Variants in IL1RAPL2 observed in about 807,000 individuals in gnomAD.
IL1RAPL2 encodes interleukin 1 receptor accessory protein like 2, also known as X-linked interleukin-1 receptor accessory protein-like 2.
IL1RAPL2 carries 3 observed loss-of-function variants against 44.1 expected under a neutral mutation model. That is an observed-to-expected ratio of 0.07 (90% CI 0.03 to 0.18). IL1RAPL2 has a LOEUF of 0.18. IL1RAPL2 is among the 10% of genes least tolerant of loss of function. The pLI is 1.00. For synonymous variants in IL1RAPL2, 181 were observed against 178.8 expected, an observed-to-expected ratio of 1.01 and a Z score of -0.10; for missense variants, 391 against 496.4, an observed-to-expected ratio of 0.79 and a Z score of 2.02.
chrX:105,653,683 AC>A (rs1347515681), intron 6 of IL1RAPL2, among the ~76,000 whole-genome samples: 1 of 110,905 alleles, frequency 9.0e-6, no homozygotes, highest in African/African-American at 3.3e-5. Context: ...TCCCTTCCTC[AC>A]ACTCAAGCAA....
At chrX:105,134,355 C>T (rs1234611918) in intron 2 of IL1RAPL2, among the ~76,000 whole-genome samples, 1 of 112,301 alleles carries the variant, frequency 8.9e-6, no homozygotes, top group Non-Finnish European at 1.9e-5. Flanking sequence ...TTCCTTACCC[C>T]ATGTTATTGA....
At chrX:105,041,255 A>T (rs2031730248) in intron 2 of IL1RAPL2, among the ~76,000 whole-genome samples, 1 of 110,639 alleles carries the variant, frequency 9.0e-6, no homozygotes, top group South Asian at 3.9e-4. Context: ...AGTTTGTTAT[A>T]ATTTCTGTTC....
intron 6 of IL1RAPL2, among the ~76,000 whole-genome samples, chrX:105,713,139 T>C (rs947835948): frequency 8.9e-6 from 1 of 111,959 alleles, no homozygotes; most frequent in Middle Eastern, 4.2e-3. Flanking sequence ...TTCAGGTGCA[T>C]GATGCAAGAT....
At chrX:105,542,739 A>ATTT (rs1009733174) in intron 6 of IL1RAPL2, among the ~76,000 whole-genome samples, 2 of 84,148 alleles carry the variant, frequency 2.4e-5, no homozygotes, top group African/African-American at 9.5e-5. Context: ...TTAATTTATT[A>ATTT]TTTTTTTTTT....
chrX:104,946,415 TA>T (rs1258273744), intron 2 of IL1RAPL2, among the ~76,000 whole-genome samples: 4 of 34,151 alleles, frequency 1.2e-4, no homozygotes, highest in Non-Finnish European at 2.6e-4. Context: ...AAAAACTTTT[TA>T]AAAAAATTAT....
At chrX:104,619,936 T>C (rs968759926) in intron 1 of IL1RAPL2, among the ~76,000 whole-genome samples, 3 of 111,514 alleles carry the variant, frequency 2.7e-5, no homozygotes, top group Non-Finnish European at 5.6e-5. Context: ...TCTACTTAAA[T>C]GAGACTTAAT....
intron 2 of IL1RAPL2, among the ~76,000 whole-genome samples, chrX:104,820,366 G>A (rs1921268377): frequency 1.8e-5 from 2 of 111,443 alleles, no homozygotes; most frequent in Non-Finnish European, 3.8e-5. Context: ...GGCTTTTTTG[G>A]TTCCCATATT....
intron 2 of IL1RAPL2, among the ~76,000 whole-genome samples, chrX:105,031,771 G>A (rs912784683): frequency 9.0e-6 from 1 of 111,045 alleles, no homozygotes; most frequent in East Asian, 2.8e-4. Flanking sequence ...AATGAGTAAG[G>A]GAGGATTCCC....
chrX:104,842,793 G>A (rs1184758808), intron 2 of IL1RAPL2, among the ~76,000 whole-genome samples: 2 of 112,430 alleles, frequency 1.8e-5, no homozygotes, highest in Non-Finnish European at 3.8e-5. Context: ...CTGGCCTGAT[G>A]CCAGCTGGAG....
At chrX:104,673,312 A>G (rs1930660013) in intron 2 of IL1RAPL2, among the ~76,000 whole-genome samples, 1 of 111,378 alleles carries the variant, frequency 9.0e-6, no homozygotes, top group Non-Finnish European at 1.9e-5. Context: ...AGCTTTGTAC[A>G]TATGGCTAGC....
chrX:104,722,121 TAA>T (rs902627732), intron 2 of IL1RAPL2, among the ~76,000 whole-genome samples: 3 of 110,879 alleles, frequency 2.7e-5, no homozygotes, highest in African/African-American at 9.8e-5. Context: ...GCAGAGGTAA[TAA>T]AACACTATCT....
At position 105,599,106 on chromosome X, in the gene IL1RAPL2, G is replaced by A. The variant is rs989724600; in HGVS notation, c.772+114719G>A. Among the ~76,000 whole-genome samples the A allele has an allele frequency of 4.5e-5, 5 of 112,268 alleles. No homozygotes were observed. The Admixed American group carries it at 4.7e-4, about 11-fold the overall frequency. ...AGGTTTATGATTCTTACCTTGAAGA[G>A]TATGGGTCAAGCCACTTATGTCCTA... is the stretch of plus-strand genomic sequence containing the variant. On this transcript the variant is annotated intron_variant, in intron 6 of 10. Transcript: ENST00000372582.
At chrX:104,894,876 T>C (rs1923588838) in intron 2 of IL1RAPL2, among the ~76,000 whole-genome samples, 1 of 112,277 alleles carries the variant, frequency 8.9e-6, no homozygotes, top group Admixed American at 9.4e-5. Context: ...TTTTTAGTAT[T>C]TTCAGCTTTT....
At chrX:105,512,328 A>G (rs575985430) in intron 6 of IL1RAPL2, among the ~76,000 whole-genome samples, 4 of 111,624 alleles carry the variant, frequency 3.6e-5, no homozygotes, top group African/African-American at 1.3e-4. Context: ...TCATAAGATG[A>G]CATTTCTCTG....
intron 6 of IL1RAPL2, among the ~76,000 whole-genome samples, chrX:105,619,569 C>A (rs907648947): frequency 2.7e-5 from 3 of 111,165 alleles, no homozygotes; most frequent in Admixed American, 1.9e-4. Context: ...ATGTCCTTAA[C>A]CCTATCAGAG....
At chrX:104,831,235 A>G (rs1247049725) in intron 2 of IL1RAPL2, among the ~76,000 whole-genome samples, 1 of 111,709 alleles carries the variant, frequency 9.0e-6, no homozygotes, top group East Asian at 2.8e-4. Context: ...TTTTTCTGCA[A>G]GAGTATTTCT....
intron 5 of IL1RAPL2, among the ~76,000 whole-genome samples, chrX:105,386,796 CTA>C (rs1005956344): frequency 2.1e-4 from 23 of 111,525 alleles, no homozygotes; most frequent in African/African-American, 7.2e-4. Context: ...TTAATCCTGC[CTA>C]TGTGTTCATA....
intron 6 of IL1RAPL2, among the ~76,000 whole-genome samples, chrX:105,625,134 A>T (rs1396037113): frequency 8.9e-6 from 1 of 112,003 alleles, no homozygotes; most frequent in Admixed American, 9.5e-5. Context: ...TAGTACTAGC[A>T]TCTGAAAGGA....
At chrX:105,596,826 A>T (rs2147820633) in intron 6 of IL1RAPL2, among the ~76,000 whole-genome samples, 2 of 111,949 alleles carry the variant, frequency 1.8e-5, no homozygotes, top group African/African-American at 6.5e-5. Flanking sequence ...CTCAAAATGC[A>T]TTAAAGACCT....
Sources: gnomAD v4.1 joint callset for allele counts (sites outside exome capture counted in the v4.1 genomes callset) on GRCh38, gnomAD v4.1.1 for gene constraint, MANE v1.5 for transcripts, NCBI Gene and HGNC (gene_info 2026-07-23, HGNC 2026-07-21) for gene names.